SCLT1: variants seen among roughly 807,000 people sequenced by gnomAD.
SCLT1 encodes sodium channel-associated protein 1.
SCLT1 carries 78 observed loss-of-function variants against 112.8 expected under a neutral mutation model. The observed-to-expected ratio is 0.69, with a 90% confidence interval of 0.58 to 0.83. SCLT1 has a LOEUF of 0.83. Ranked by LOEUF, SCLT1 falls within the 40% of genes least tolerant of loss-of-function variation. SCLT1 has a pLI of 0.00. For synonymous variants in SCLT1, 257 were observed against 254.7 expected (o/e 1.01, Z -0.09); for missense variants, 747 against 770.4 (o/e 0.97, Z 0.36).
rs183868779 is a variant in SCLT1, at chr4:129,076,315, T to A, written c.102+5991A>T. 5.0e-3 allele frequency among the ~76,000 whole-genome samples: 761 copies of A among 152,288 alleles called. 6 individuals carry two copies. The highest frequency in any genetic ancestry group is 0.017 in the African/African-American group (715 of 41,562). On this transcript the variant is annotated intron_variant, in intron 2 of 20. Coordinates refer to ENST00000281142, the MANE Select transcript of SCLT1 (RefSeq NM_144643.4). Reference sequence around the variant, plus strand: ...ATAAGTGAATATATTTAGACTATGATGTTTTTCCCCTCCATAGCCACTCAT... The same window carrying A: ...ATAAGTGAATATATTTAGACTATGAAGTTTTTCCCCTCCATAGCCACTCAT...
chr4:128,882,748 G>A (rs1458922172), downstream of SCLT1, among the ~76,000 whole-genome samples: 1 of 152,092 alleles, frequency 6.6e-6, no homozygotes, highest in African/African-American at 2.4e-5. Context: ...GGGAAACTAC[G>A]GTGCACTATT....
At position 128,936,649 on chromosome 4, in the gene SCLT1, A is replaced by T. The variant is rs1183255402; in HGVS notation, c.1829+6T>A. On this transcript the variant is annotated splice_donor_region_variant and intron_variant, in intron 18 of 20. Coordinates refer to ENST00000281142, the MANE Select transcript of SCLT1 (RefSeq NM_144643.4). ...AAACATGTCAAACAACTAACAGTAGACTTACTTTAGATTATTGATTCTAAT... is the reference window on the plus strand; with the variant it reads ...AAACATGTCAAACAACTAACAGTAGTCTTACTTTAGATTATTGATTCTAAT... 1 of 1,554,044 alleles carries T rather than the reference A, an allele frequency of 6.4e-7. No homozygotes were observed. The highest frequency in any genetic ancestry group is 2.3e-5 in the East Asian group (1 of 44,372).
intron 9 of SCLT1, among the ~76,000 whole-genome samples, chr4:128,975,039 A>ATTTTTTTTTTTTTT (rs1579564140): frequency 8.3e-5 from 5 of 60,130 alleles, no homozygotes; most frequent in African/African-American, 3.7e-4. Flanking sequence ...TTGAATGACA[A>ATTTTTTTTTTTTTT]CTTTTTTTTT....
chr4:129,087,210 A>T (rs1752471372), intron 1 of SCLT1, among the ~76,000 whole-genome samples: 1 of 152,172 alleles, frequency 6.6e-6, no homozygotes, highest in East Asian at 1.9e-4. Context: ...ACCCTAGGGA[A>T]TGTGAGACCT....
At chr4:128,971,613 C>T (rs1251242554) in intron 9 of SCLT1, 1 of 152,112 alleles carries the variant, frequency 6.6e-6, no homozygotes, top group African/African-American at 2.4e-5. Flanking sequence ...CGTAATAAAA[C>T]TAGTATTTAA....
intron 2 of SCLT1, among the ~76,000 whole-genome samples, chr4:129,047,608 T>C (rs1404313081): frequency 6.6e-6 from 1 of 152,144 alleles, no homozygotes; most frequent in Non-Finnish European, 1.5e-5. Context: ...CTACCAACAG[T>C]GTAGGAGGGT....
intron 5 of SCLT1, chr4:129,037,976 CA>C (rs201181019): frequency 0.019 from 2,951 of 151,856 alleles, 85 homozygotes; most frequent in African/African-American, 0.062. Flanking sequence ...ACTGAAAATA[CA>C]AAAAAAATTA....
chr4:128,937,859 A>G (rs1261609892), intron 17 of SCLT1, among the ~76,000 whole-genome samples: 1 of 152,182 alleles, frequency 6.6e-6, no homozygotes, highest in Admixed American at 6.5e-5. Context: ...GGAGAGAATT[A>G]AGCCCTAATG....
At chr4:128,932,641 G>T (rs1736865481) in intron 18 of SCLT1, among the ~76,000 whole-genome samples, 2 of 151,892 alleles carry the variant, frequency 1.3e-5, no homozygotes, top group Admixed American at 1.3e-4. Flanking sequence ...CAAATAAAAG[G>T]CATCAAATTG....
intron 10 of SCLT1, among the ~76,000 whole-genome samples, chr4:128,970,053 A>G (rs531783380): frequency 6.6e-6 from 1 of 152,182 alleles, no homozygotes; most frequent in East Asian, 1.9e-4. Context: ...AAATAACATA[A>G]AAGTAGTATT....
At chr4:129,031,606 C>T (rs1746728599) in intron 5 of SCLT1, among the ~76,000 whole-genome samples, 1 of 152,140 alleles carries the variant, frequency 6.6e-6, no homozygotes, top group African/African-American at 2.4e-5. Flanking sequence ...TAAGCAACTT[C>T]AGCAAAGTCT....
chr4:128,970,566 CTTGT>C (rs1740606435), intron 9 of SCLT1, 98 bp from the exon 10 acceptor site: 3 of 691,304 alleles, frequency 4.3e-6, no homozygotes, highest in Non-Finnish European at 7.5e-6. Context: ...AGTTCTAACT[CTTGT>C]TTATCTAAAA....
chr4:128,928,847 AAT>A (rs1286593347), intron 18 of SCLT1, among the ~76,000 whole-genome samples: 1 of 144,696 alleles, frequency 6.9e-6, no homozygotes, highest in African/African-American at 2.6e-5. Flanking sequence ...AAAAAAAAAA[AAT>A]TAATATTTGT....
chr4:128,972,936 C>T (rs968897179), intron 9 of SCLT1, among the ~76,000 whole-genome samples: 1 of 152,186 alleles, frequency 6.6e-6, no homozygotes, highest in Non-Finnish European at 1.5e-5. Flanking sequence ...CCTCTACTGG[C>T]ATATAAGGCC....
chr4:129,017,196 G>C (rs556658087), intron 5 of SCLT1, among the ~76,000 whole-genome samples: 16 of 151,746 alleles, frequency 1.1e-4, no homozygotes, highest in African/African-American at 3.4e-4. Context: ...TTTTTTTGTG[G>C]GGGGGGAATT....
chr4:128,944,092 AGT>A (rs1364961595), intron 16 of SCLT1, among the ~76,000 whole-genome samples: 12 of 152,254 alleles, frequency 7.9e-5, no homozygotes, highest in African/African-American at 2.6e-4. Context: ...GAACACAGTT[AGT>A]GACTGATTTT....
At chr4:128,991,201 A>C (rs1742537039) in intron 9 of SCLT1, among the ~76,000 whole-genome samples, 1 of 152,024 alleles carries the variant, frequency 6.6e-6, no homozygotes. Flanking sequence ...ATAGTAACCA[A>C]AACAGAATGG....
intron 18 of SCLT1, among the ~76,000 whole-genome samples, chr4:128,917,194 G>A (rs2125955376): frequency 6.6e-6 from 1 of 152,250 alleles, no homozygotes; most frequent in African/African-American, 2.4e-5. Flanking sequence ...TGCTTCTCGA[G>A]TGGTCCTGTG....
intron 10 of SCLT1, among the ~76,000 whole-genome samples, chr4:128,967,384 G>A (rs1045777010): frequency 5.3e-5 from 8 of 152,228 alleles, no homozygotes; most frequent in Admixed American, 4.6e-4. Flanking sequence ...TAATGGGATT[G>A]CTCAGTTGAA....
Sources: allele counts gnomAD v4.1 joint callset (sites outside exome capture counted in the v4.1 genomes callset), GRCh38; gene constraint gnomAD v4.1.1; transcripts MANE v1.5; gene names NCBI Gene and HGNC (gene_info 2026-07-23, HGNC 2026-07-21).